GOLGA6L2: variants seen among roughly 807,000 people sequenced by gnomAD.
GOLGA6L2 encodes golgin A6 family like 2, also known as golgin subfamily A member 6-like protein 2.
Under a neutral mutation model 35.9 loss-of-function variants are expected in GOLGA6L2, and 30 were observed. The observed-to-expected ratio is 0.83, with a 90% CI of 0.62 to 1.13. The LOEUF (loss-of-function observed/expected upper bound fraction) is 1.13. Ranked by LOEUF, GOLGA6L2 falls within the 50% of genes most tolerant of loss-of-function variation. The pLI is 0.00. For synonymous variants in GOLGA6L2, 297 were observed against 344.0 expected, an observed-to-expected ratio of 0.86 and a Z score of 1.51; for missense variants, 821 against 973.4, an observed-to-expected ratio of 0.84 and a Z score of 2.08.
chr15:23,439,584 A>G lies in GOLGA6L2; in HGVS notation c.*161T>C. The G allele has an allele frequency of 6.5e-7, 1 of 1,534,636 alleles. No individual in the cohort carries two copies. ...TTCATCTTTCTCTTGTCTCCTCGGTAGAAGAATGGGATGCAGGAGGTACTG... is the reference window on the plus strand; with the variant it reads ...TTCATCTTTCTCTTGTCTCCTCGGTGGAAGAATGGGATGCAGGAGGTACTG... On this transcript the variant is annotated 3_prime_UTR_variant, in exon 8 of 8. Coordinates refer to ENST00000567107, the MANE Select transcript of GOLGA6L2 (RefSeq NM_001304388.2).
intron 6 of GOLGA6L2, 113 bp downstream of exon 6, chr15:23,442,337 A>C: frequency 7.7e-7 from 1 of 1,299,712 alleles, no homozygotes; most frequent in Non-Finnish European, 1.1e-6. Flanking sequence ...TTCCCTGTGC[A>C]CACATGTAAA....
At chr15:23,446,165 A>G (rs779190717) in intron 1 of GOLGA6L2, among the ~76,000 whole-genome samples, 1 of 151,674 alleles carries the variant, frequency 6.6e-6, no homozygotes, top group Non-Finnish European at 1.5e-5. Flanking sequence ...TCCCAGAACC[A>G]TGGAGAATTC....
rs767711209 is a variant in GOLGA6L2 at position 23,440,513 on chromosome 15, T to G, written c.1962A>C (p.Ala654=). 16 of 1,014,426 alleles carry G rather than the reference T, an allele frequency of 1.6e-5. No homozygotes were observed. The highest frequency in any genetic ancestry group is 2.2e-5 in the Non-Finnish European group (15 of 682,578). 62.8% of individuals were successfully genotyped at this position (1,014,426 alleles called of 1,614,324 possible). The change falls in exon 8 of 8, where the codon GCA becomes GCC. Residue 654 remains alanine, a synonymous_variant. Coordinates refer to ENST00000567107, the MANE Select transcript of GOLGA6L2 (RefSeq NM_001304388.2). The part of the protein sequence containing the change: ...GDDAGAGGED[A]GAGREDAGAG... ...CTCCCGCATCTTCTCTTCCTGCTCC[T>G]GCATCTTCTCCTCCTGCTCCCGCAT...
chr15:23,443,830 C>G lies in GOLGA6L2; in HGVS notation c.538G>C (p.Glu180Gln), dbSNP rs537126983. 22 of 1,540,252 alleles carry G rather than the reference C, an allele frequency of 1.4e-5. No individual in the cohort carries two copies. Among genetic ancestry groups the G allele is most frequent in the African/African-American group, 9.6e-5 (7 of 73,260 alleles). Residue 180 changes from glutamate (E) to glutamine (Q), a missense_variant, in exon 5 of 8, where the codon GAG (glutamate) becomes CAG (glutamine). Physicochemically the swap from Glu to Gln is conservative, Grantham distance 29. Around this residue, in one of 7 missense-constraint regions of GOLGA6L2, gnomAD observed 614 missense variants for 632.3 expected, o/e 0.97. Coordinates refer to ENST00000567107, the MANE Select transcript of GOLGA6L2 (RefSeq NM_001304388.2). ...ACAGCAGAGAGAGCCCGCTGTAACT[C>G]TCCTGCAAAGTGCCAGGAATGATGC... Reference protein sequence around the residue: ...RLHHSWHFAGELQRALSAVST... With the variant: ...RLHHSWHFAGQLQRALSAVST...
rs2020361 is a variant in GOLGA6L2, at chr15:23,439,381, C to T, written c.*364G>A. On this transcript the variant is annotated 3_prime_UTR_variant, in exon 8 of 8. Coordinates refer to ENST00000567107, the MANE Select transcript of GOLGA6L2 (RefSeq NM_001304388.2). ...CCCCTCTAGGTCTCCCAAAGTGCTG[C>T]GGTTGTAGGTTTCGGCCACAAGGCC... 0.8 allele frequency: 291,858 copies of T among 363,620 alleles called. 121,177 individuals are homozygous for T. Among genetic ancestry groups the T allele is most frequent in the East Asian group, 0.87 (11,968 of 13,754 alleles). The allele number at this position is 363,620 out of a possible 1,614,324, so 22.5% of individuals were successfully genotyped here. A position where few individuals can be genotyped will look rare whatever the true frequency, so the allele number is the denominator to read the frequency against.
chr15:23,440,883 T>TCCTTCTGTTCCGGTAGCC lies in GOLGA6L2; in HGVS notation c.1591_1592insGGCTACCGGAACAGAAGG (p.Lys531delinsArgLeuProGluGlnLysGlu). The TCCTTCTGTTCCGGTAGCC allele has an allele frequency of 6.8e-7, 1 of 1,475,106 alleles. No homozygotes were observed. The highest frequency in any genetic ancestry group is 1.7e-4 in the Middle Eastern group (1 of 5,742). The allele number at this position is 1,475,106 out of a possible 1,614,324, so 91.4% of individuals were successfully genotyped here. ...CATCTTCTCCTGCCGCCACATCTTC[T>TCCTTCTGTTCCGGTAGCC]TCTCCTGCCCCCACATCTCCTCCTG... is the stretch of plus-strand genomic sequence containing the variant. On this transcript the variant is annotated protein_altering_variant, in exon 8 of 8. Transcript: ENST00000567107.
At chr15:23,442,958 C>T (rs1300148812) in intron 5 of GOLGA6L2, among the ~76,000 whole-genome samples, 1 of 152,172 alleles carries the variant, frequency 6.6e-6, no homozygotes, top group Non-Finnish European at 1.5e-5. Flanking sequence ...ATTGCTATTA[C>T]TGTTATTACT....
In GOLGA6L2 at chr15:23,447,197, G is replaced by A. The variant is rs577670756; in HGVS notation, c.-16C>T. On this transcript the variant is annotated 5_prime_UTR_variant, in exon 1 of 8. Transcript: ENST00000567107. ...GGGGCCACATCAGCGTGATTCAGAC[G>A]AGGACAAGGATACACCTCCAGTCAC... is the stretch of plus-strand genomic sequence containing the variant. 30 of 1,451,368 alleles carry A rather than the reference G, an allele frequency of 2.1e-5. No homozygotes were observed. The highest frequency in any genetic ancestry group is 6.9e-5 in the South Asian group (6 of 87,330). 89.9% of individuals were successfully genotyped at this position (1,451,368 alleles called of 1,614,324 possible). A position where few individuals can be genotyped will look rare whatever the true frequency, so the allele number is the denominator to read the frequency against.
chr15:23,442,883 G>C (rs1219715832), intron 5 of GOLGA6L2, among the ~76,000 whole-genome samples: 5 of 152,110 alleles, frequency 3.3e-5, no homozygotes, highest in African/African-American at 1.2e-4. Flanking sequence ...GGGTAGAAGG[G>C]ACAGGGAAAG....
Position 23,444,203 on chromosome 15 carries a change from C to A in GOLGA6L2, c.253G>T (p.Ala85Ser). The change falls in exon 4 of 8, where the codon GCA becomes TCA. Residue 85 changes from alanine (A) to serine (S), a missense_variant. Ala to Ser is a moderately conservative substitution (Grantham distance 99, BLOSUM62 1). Transcript: ENST00000567107. ...AGGGCTTCCTGATGTTGGTGGCTTG[C>A]CTTCTTTTCCTATAGAAAGAGGAAG... ...NRAQLKEEKK[A>S]SHQHQEALRR... 1.2e-6 allele frequency: 2 copies of A among 1,603,880 alleles called. No homozygotes were observed. The highest frequency in any genetic ancestry group is 1.7e-6 in the Non-Finnish European group (2 of 1,178,610).
intron 6 of GOLGA6L2, 65 bp from the exon 7 acceptor site, chr15:23,442,185 C>T (rs2070701666): frequency 6.6e-7 from 1 of 1,512,016 alleles, no homozygotes; most frequent in South Asian, 1.2e-5. Flanking sequence ...TGGTGATCAA[C>T]CCTCTACTCT....
chr15:23,444,548 C>G, intron 2 of GOLGA6L2, 48 bp from the exon 3 acceptor site: 1 of 1,575,484 alleles, frequency 6.3e-7, no homozygotes, highest in Non-Finnish European at 8.6e-7. Context: ...CCCCTGGACT[C>G]TATTCCCCAG....
rs1346575445 is a variant in GOLGA6L2, at chr15:23,439,394, C to T, written c.*351G>A. 11 of 404,150 alleles carry T rather than the reference C, an allele frequency of 2.7e-5. No homozygotes were observed. The highest frequency in any genetic ancestry group is 1.4e-4 in the African/African-American group (7 of 48,282). 25.0% of individuals were successfully genotyped at this position (404,150 alleles called of 1,614,324 possible). A position where few individuals can be genotyped will look rare whatever the true frequency, so the allele number is the denominator to read the frequency against. On this transcript the variant is annotated 3_prime_UTR_variant, in exon 8 of 8. Coordinates refer to ENST00000567107, the MANE Select transcript of GOLGA6L2 (RefSeq NM_001304388.2). ...CCCAAAGTGCTGCGGTTGTAGGTTT[C>T]GGCCACAAGGCCTGGCTAGTATTTT...
rs764109163 is a variant in GOLGA6L2, at chr15:23,440,891, C to G, written c.1584G>C (p.Gly528=). 101 of 1,460,510 alleles carry G rather than the reference C, an allele frequency of 6.9e-5. No homozygotes were observed. The Admixed American group carries it at 7.1e-4, about 10-fold the overall frequency. The allele number at this position is 1,460,510 out of a possible 1,614,324, so 90.5% of individuals were successfully genotyped here. A position where few individuals can be genotyped will look rare whatever the true frequency, so the allele number is the denominator to read the frequency against. Residue 528 remains glycine (G), a synonymous_variant, in exon 8 of 8, where the codon GGG becomes GGC. Coordinates refer to ENST00000567107, the MANE Select transcript of GOLGA6L2 (RefSeq NM_001304388.2). ...EKIRDQEEMW[G]QEKKMWRQEK... is the part of the protein sequence containing the mutation. ...CCTGCCGCCACATCTTCTTCTCCTG[C>G]CCCCACATCTCCTCCTGGTCCCGTA...
rs759748627 is a variant in GOLGA6L2 at position 23,440,872 on chromosome 15, G to A, written c.1603C>T (p.Arg535Trp). The A allele has an allele frequency of 2.3e-5, 27 of 1,182,096 alleles. No homozygotes were observed. The highest frequency in any genetic ancestry group is 8.9e-5 in the Admixed American group (3 of 33,602). 73.2% of individuals were successfully genotyped at this position (1,182,096 alleles called of 1,614,324 possible). The change falls in exon 8 of 8, where the codon CGG (arginine) becomes TGG (tryptophan). Residue 535 changes from arginine (R) to tryptophan (W), a missense_variant. Physicochemically the swap from Arg to Trp is moderately radical, Grantham distance 101. This residue lies in a region of GOLGA6L2 where 614 missense variants were observed against 632.3 expected (regional missense o/e 0.97). Transcript: ENST00000567107. ...TCCTGCTCCCGCATCTTCTCCTGCC[G>A]CCACATCTTCTTCTCCTGCCCCCAC... ...EMWGQEKKMW[R>W]QEKMREQEDV...
At chr15:23,441,874 A>C (rs2070697561) in intron 7 of GOLGA6L2, 105 bp downstream of exon 7, 21 of 1,443,826 alleles carry the variant, frequency 1.5e-5, no homozygotes, top group Non-Finnish European at 1.8e-5. Context: ...CAAGGACCCA[A>C]ATTTTCCAGC....
rs2070725126 is a variant in GOLGA6L2, at chr15:23,443,766, A to G, written c.591+11T>C. On this transcript the variant is annotated intron_variant, in intron 5 of 7. Coordinates refer to ENST00000567107, the MANE Select transcript of GOLGA6L2 (RefSeq NM_001304388.2). ...GGGATCCCAGGAGACTGGGGAGGTG[A>G]TTGGACTTACCCTGTCTGCCTTCTT... is the stretch of plus-strand genomic sequence containing the variant. 5 of 1,533,716 alleles carry G rather than the reference A, an allele frequency of 3.3e-6. No homozygotes were observed. Among genetic ancestry groups the G allele is most frequent in the South Asian group, 2.4e-5 (2 of 83,938 alleles).
Position 23,439,504 on chromosome 15 carries a change from G to A in GOLGA6L2, c.*241C>T, listed in dbSNP as rs758403435. 1.2e-5 allele frequency: 14 copies of A among 1,134,024 alleles called. 1 individual carries two copies. The South Asian group carries it at 1.3e-4, about 10-fold the overall frequency. 70.2% of individuals were successfully genotyped at this position (1,134,024 alleles called of 1,614,324 possible). A position where few individuals can be genotyped will look rare whatever the true frequency, so the allele number is the denominator to read the frequency against. On this transcript the variant is annotated 3_prime_UTR_variant, in exon 8 of 8. Coordinates refer to ENST00000567107, the MANE Select transcript of GOLGA6L2 (RefSeq NM_001304388.2). ...GACTATATTCACACAGTGACATGGC[G>A]GCTTATGCTTCTGTAGGCCTTGTTG...
rs1338557729 is a variant in GOLGA6L2, at chr15:23,439,746, T to G, written c.2729A>C (p.Ter910SerextTer86). The change falls in exon 8 of 8, where the codon TAA (stop) becomes TCA (serine). Residue 910 changes from the stop codon to serine, a stop_lost. Coordinates refer to ENST00000567107, the MANE Select transcript of GOLGA6L2 (RefSeq NM_001304388.2). ...ALPPSLQSSL* is the reference protein window; with the variant it reads ...ALPPSLQSSLS ...TCCACACTGCCAGTGTGGCTCATATTACAAAGAACTTTGGAGGGAGGGAGG... is the reference window on the plus strand; with the variant it reads ...TCCACACTGCCAGTGTGGCTCATATGACAAAGAACTTTGGAGGGAGGGAGG... 6.5e-7 allele frequency: 1 copy of G among 1,536,012 alleles called. No homozygotes were observed. Among genetic ancestry groups the G allele is most frequent in the Non-Finnish European group, 8.7e-7 (1 of 1,146,762 alleles).
Sources: allele counts gnomAD v4.1 joint callset (sites outside exome capture counted in the v4.1 genomes callset), GRCh38; gene constraint gnomAD v4.1.1; regional missense constraint gnomAD v4.1.1; transcripts MANE v1.5; gene names NCBI Gene and HGNC (gene_info 2026-07-23, HGNC 2026-07-21).